Variants in GSE1 observed in about 807,000 individuals in gnomAD.
GSE1 encodes genetic suppressor element 1.
Under a neutral mutation model 112.6 loss-of-function variants are expected in GSE1, and 32 were observed. The observed-to-expected ratio is 0.28, with a 90% CI of 0.21 to 0.38. The LOEUF (loss-of-function observed/expected upper bound fraction) is 0.38. Among genes scored for constraint, GSE1 ranks in the 10% least tolerant of loss-of-function variants. The probability of loss-of-function intolerance (pLI) is 1.00; values close to 1 mark genes in which losing one functional copy is unlikely to be tolerated. For missense variants in GSE1, 2,348 were observed against 1,699.2 expected (o/e 1.38, Z -6.71); for synonymous variants, 1,115 against 735.6 (o/e 1.52, Z -8.35).
chr16:85,636,688 CG>C (rs35534845), intron 2 of GSE1, among the ~76,000 whole-genome samples: 116,231 of 151,720 alleles, frequency 0.77, 45,184 homozygotes, highest in East Asian at 0.99. Context: ...TGGGCCTTCC[CG>C]GGGGGGGGCT....
At chr16:85,358,902 G>T (rs1028100013) in intron 2 of GSE1, among the ~76,000 whole-genome samples, 8 of 152,220 alleles carry the variant, frequency 5.3e-5, no homozygotes, top group African/African-American at 1.7e-4. Flanking sequence ...GGGAGGAATG[G>T]CTAAGAGCCT....
intron 2 of GSE1, among the ~76,000 whole-genome samples, chr16:85,363,852 C>T (rs1292352178): frequency 1.3e-5 from 2 of 152,154 alleles, no homozygotes; most frequent in Non-Finnish European, 1.5e-5. Context: ...ACAGCATGCC[C>T]TCCGTCTCTA....
Position 85,186,208 on chromosome 16 carries a change from C to T in GSE1, c.2283+14401C>T, listed in dbSNP as rs916307144. On this transcript the variant is annotated intron_variant, in intron 1 of 2. Transcript: ENST00000637419. ...AAAACAGGTTGGGTACAGTGGCTCACGTCTGTAATCCCGGCAGTTTGAGAG... is the reference window on the plus strand; with the variant it reads ...AAAACAGGTTGGGTACAGTGGCTCATGTCTGTAATCCCGGCAGTTTGAGAG... Among the ~76,000 whole-genome samples the T allele has an allele frequency of 3.3e-5, 5 of 152,162 alleles. No individual in the cohort carries two copies. The East Asian group carries it at 5.8e-4, about 18-fold the overall frequency.
intron 1 of GSE1, among the ~76,000 whole-genome samples, chr16:85,334,548 G>A (rs181566759): frequency 1.3e-5 from 2 of 152,294 alleles, no homozygotes; most frequent in East Asian, 3.9e-4. Context: ...CTGGTGTCCC[G>A]ACCAGAGGGT....
intron 2 of GSE1, among the ~76,000 whole-genome samples, chr16:85,635,152 C>A (rs1271093689): frequency 3.3e-5 from 5 of 152,206 alleles, no homozygotes; most frequent in African/African-American, 9.6e-5. Flanking sequence ...GGGGACTTCT[C>A]ATTTCTGAAT....
intron 2 of GSE1, among the ~76,000 whole-genome samples, chr16:85,644,793 G>A (rs185566029): frequency 2.2e-3 from 331 of 152,182 alleles, no homozygotes; most frequent in Non-Finnish European, 3.7e-3. Context: ...AATTACGCGG[G>A]ATGGAATCAT....
At position 85,408,577 on chromosome 16, in the gene GSE1, A is replaced by T. The variant is rs868524100; in HGVS notation, c.2464+50934A>T. ...CCCCCCGGATAATCCTCACTGTTAC[A>T]CTCAGGCCCCCCTGGAAAATCCTCA... On this transcript the variant is annotated intron_variant, in intron 2 of 2. Coordinates refer to the GSE1 transcript ENST00000637419. Among the ~76,000 whole-genome samples the T allele has an allele frequency of 2.1e-3, 30 of 14,564 alleles. 2 individuals are homozygous for T. Among genetic ancestry groups the T allele is most frequent in the African/African-American group, 8.9e-3 (27 of 3,038 alleles). 9.6% of individuals were successfully genotyped at this position (14,564 alleles called of 152,430 possible).
rs371959935 is a variant in GSE1, at chr16:85,657,563, G to C, written c.1599G>C (p.Pro533=). The C allele has an allele frequency of 3.2e-6, 5 of 1,573,412 alleles. No individual in the cohort carries two copies. The highest frequency in any genetic ancestry group is 2.7e-5 in the African/African-American group (2 of 73,982). The change falls in exon 8 of 16, where the codon CCG becomes CCC. Residue 533 remains proline, a synonymous_variant. Coordinates refer to ENST00000253458, the MANE Select transcript of GSE1 (RefSeq NM_014615.5). ...AGCACCTGGATATGGGCCGGCCCCC[G>C]GTGCCGGCGGAGGCAGAGCACAGGC... ...LEQHLDMGRP[P]VPAEAEHRPE...
chr16:85,387,992 G>GTGGATGGA lies in GSE1; in HGVS notation c.2464+30384_2464+30391dup, dbSNP rs58416051. Among the ~76,000 whole-genome samples the GTGGATGGA allele has an allele frequency of 9.8e-3, 1,016 of 103,168 alleles. 9 individuals are homozygous for GTGGATGGA. Among genetic ancestry groups the GTGGATGGA allele is most frequent in the Middle Eastern group, 0.022 (4 of 178 alleles). 67.7% of individuals were successfully genotyped at this position (103,168 alleles called of 152,430 possible). Reference sequence around the variant, plus strand: ...GGTAGATGGGTGAGTGGATGGGTGGGTGGATGGATGGATGGATGGATGGAT... The same window carrying GTGGATGGA: ...GGTAGATGGGTGAGTGGATGGGTGGGTGGATGGATGGATGGATGGATGGATGGATGGAT... On this transcript the variant is annotated intron_variant, in intron 2 of 2. Transcript: ENST00000637419.
At chr16:85,635,036 C>G (rs946645162) in intron 2 of GSE1, among the ~76,000 whole-genome samples, 2 of 152,156 alleles carry the variant, frequency 1.3e-5, no homozygotes, top group African/African-American at 4.8e-5. Context: ...GGTGCCAGGG[C>G]CCTCCGGGGT....
chr16:85,391,003 C>T (rs770525582), intron 2 of GSE1, among the ~76,000 whole-genome samples: 1 of 152,122 alleles, frequency 6.6e-6, no homozygotes, highest in African/African-American at 2.4e-5. Flanking sequence ...TCCGCCGCTG[C>T]GCCCTGGGAG....
intron 1 of GSE1, among the ~76,000 whole-genome samples, chr16:85,572,069 C>G (rs1465472039): frequency 6.6e-6 from 1 of 150,994 alleles, no homozygotes; most frequent in Non-Finnish European, 1.5e-5. Context: ...ACCATACACA[C>G]AACCACACCC....
chr16:85,514,076 TCC>T (rs1442254151), intron 2 of GSE1, among the ~76,000 whole-genome samples: 1 of 151,862 alleles, frequency 6.6e-6, no homozygotes, highest in African/African-American at 2.4e-5. Flanking sequence ...AGAGGGAGTC[TCC>T]CTTGGGTGCA....
chr16:85,331,451 G>T (rs1230704376), intron 1 of GSE1, among the ~76,000 whole-genome samples: 1 of 140,346 alleles, frequency 7.1e-6, no homozygotes, highest in Admixed American at 7.3e-5. Flanking sequence ...GCGTATATAT[G>T]TATATATATG....
upstream of GSE1, chr16:85,555,210 G>A (rs1032326685): frequency 1.0e-6 from 1 of 985,370 alleles, no homozygotes. Context: ...CCAATTTACC[G>A]ATAATGATTC....
rs1598696290 is a variant in GSE1, at chr16:85,666,227, C to G, written c.3010C>G (p.Leu1004Val). 1.2e-6 allele frequency: 2 copies of G among 1,613,758 alleles called. No homozygotes were observed. Among genetic ancestry groups the G allele is most frequent in the East Asian group, 2.2e-5 (1 of 44,888 alleles). Residue 1004 changes from leucine to valine, a missense_variant, in exon 13 of 16, where the codon CTG becomes GTG. Leu to Val is a conservative substitution (Grantham distance 32, BLOSUM62 1). Coordinates refer to ENST00000253458, the MANE Select transcript of GSE1 (RefSeq NM_014615.5). ...GAAPKDIPVP[L>V]SHSTNGKSKP... ...TGCACCCAAGGACATTCCTGTGCCG[C>G]TGTCCCACAGCACCAATGGGAAGAG...
At chr16:85,479,579 C>A (rs182794773) in intron 2 of GSE1, among the ~76,000 whole-genome samples, 16 of 152,322 alleles carry the variant, frequency 1.1e-4, no homozygotes, top group Non-Finnish European at 2.1e-4. Context: ...GCTGGGATTA[C>A]AGGTGTGAGC....
chr16:85,668,451 G>T (rs1201963474), intron 14 of GSE1, 27 bp downstream of exon 14: 3 of 1,339,290 alleles, frequency 2.2e-6, no homozygotes, highest in Non-Finnish European at 3.1e-6. Flanking sequence ...GAAGAGGGGG[G>T]AGGGGGTCAG....
chr16:85,601,883 G>A (rs527641917), intron 1 of GSE1, among the ~76,000 whole-genome samples: 1 of 152,216 alleles, frequency 6.6e-6, no homozygotes, highest in Non-Finnish European at 1.5e-5. Context: ...CGCTTGTCGA[G>A]CCCGCGAGTG....
Sources: gnomAD v4.1 joint callset for allele counts (sites outside exome capture counted in the v4.1 genomes callset) on GRCh38, gnomAD v4.1.1 for gene constraint, MANE v1.5 for transcripts, NCBI Gene and HGNC (gene_info 2026-07-23, HGNC 2026-07-21) for gene names.